Variants in IL1RAPL2 observed in about 807,000 individuals in gnomAD.
IL1RAPL2 encodes X-linked interleukin-1 receptor accessory protein-like 2.
A neutral mutation model predicts 44.1 loss-of-function variants in IL1RAPL2; 3 were observed. The observed-to-expected ratio is 0.07, with a 90% CI of 0.03 to 0.18. The LOEUF is 0.18. Among genes scored for constraint, IL1RAPL2 ranks in the 10% least tolerant of loss-of-function variants. The probability of loss-of-function intolerance (pLI) is 1.00; values close to 1 mark genes in which losing one functional copy is unlikely to be tolerated. For synonymous variants in IL1RAPL2, 181 were observed against 178.8 expected (o/e 1.01, Z -0.10); for missense variants, 391 against 496.4 (o/e 0.79, Z 2.02).
chrX:104,778,488 ATG>A (rs1476478070), intron 2 of IL1RAPL2, among the ~76,000 whole-genome samples: 2 of 108,074 alleles, frequency 1.9e-5, no homozygotes, highest in East Asian at 5.7e-4. Context: ...TGAGTCTGGG[ATG>A]TCAAGGCTGC....
chrX:105,449,273 T>TTGG (rs2035999828), intron 5 of IL1RAPL2, among the ~76,000 whole-genome samples: 1 of 111,029 alleles, frequency 9.0e-6, no homozygotes, highest in Admixed American at 9.6e-5. Flanking sequence ...AGGTACTGCT[T>TTGG]TGGTGGTCTT....
chrX:105,480,289 A>G (rs1209851077), intron 5 of IL1RAPL2, among the ~76,000 whole-genome samples: 1 of 112,230 alleles, frequency 8.9e-6, no homozygotes. Context: ...AGATAAAATC[A>G]TTGCCTATCA....
intron 2 of IL1RAPL2, among the ~76,000 whole-genome samples, chrX:104,683,635 G>A (rs753291545): frequency 7.1e-5 from 8 of 112,709 alleles, no homozygotes; most frequent in African/African-American, 1.9e-4. Context: ...TGATTCCACC[G>A]ACTGTTTCAT....
chrX:105,350,462 G>A (rs1327901780), intron 5 of IL1RAPL2, among the ~76,000 whole-genome samples: 3 of 112,403 alleles, frequency 2.7e-5, no homozygotes, highest in South Asian at 7.4e-4. Flanking sequence ...GGTGGCTCAC[G>A]CCCGTAATCC....
intron 5 of IL1RAPL2, among the ~76,000 whole-genome samples, chrX:105,288,303 C>T (rs1454176737): frequency 1.8e-5 from 2 of 109,749 alleles, no homozygotes; most frequent in Non-Finnish European, 3.8e-5. Context: ...TCATATGTTC[C>T]TCTTCCTTTA....
intron 2 of IL1RAPL2, among the ~76,000 whole-genome samples, chrX:105,024,384 C>A (rs2031330916): frequency 9.0e-6 from 1 of 111,277 alleles, no homozygotes; most frequent in Admixed American, 9.6e-5. Context: ...ATCTTTATAT[C>A]ATATGTATAC....
chrX:104,977,952 G>T (rs750880682), intron 2 of IL1RAPL2, among the ~76,000 whole-genome samples: 1 of 111,886 alleles, frequency 8.9e-6, no homozygotes, highest in Admixed American at 9.5e-5. Context: ...TCCAAGTGTT[G>T]CTATGACAGT....
At chrX:105,247,361 C>A in intron 4 of IL1RAPL2, among the ~76,000 whole-genome samples, 1 of 110,699 alleles carries the variant, frequency 9.0e-6, no homozygotes. Context: ...TCACTCACAT[C>A]ACTGATATAA....
chrX:104,767,642 A>C (rs1440482117), intron 2 of IL1RAPL2, among the ~76,000 whole-genome samples: 1 of 112,164 alleles, frequency 8.9e-6, no homozygotes, highest in African/African-American at 3.2e-5. Flanking sequence ...GTTTGAAATA[A>C]GGAATTTTTA....
intron 2 of IL1RAPL2, among the ~76,000 whole-genome samples, chrX:105,023,619 G>A (rs1321495385): frequency 1.8e-5 from 2 of 110,962 alleles, no homozygotes; most frequent in African/African-American, 6.5e-5. Context: ...GTTCTTCCAA[G>A]TGGTTTTGCT....
intron 6 of IL1RAPL2, among the ~76,000 whole-genome samples, chrX:105,562,557 A>ACACC (rs2036947370): frequency 9.2e-6 from 1 of 108,690 alleles, no homozygotes; most frequent in Non-Finnish European, 1.9e-5. Flanking sequence ...ACATACACAC[A>ACACC]CCACATAATA....
At chrX:104,915,251 C>T (rs1423615741) in intron 2 of IL1RAPL2, among the ~76,000 whole-genome samples, 5 of 110,681 alleles carry the variant, frequency 4.5e-5, no homozygotes, top group Admixed American at 2.9e-4. Flanking sequence ...TTTTAATGAT[C>T]GCCATTCTAA....
At chrX:105,363,314 T>TATATATATATA (rs2035267608) in intron 5 of IL1RAPL2, among the ~76,000 whole-genome samples, 1 of 88,360 alleles carries the variant, frequency 1.1e-5, no homozygotes, top group African/African-American at 5.0e-5. Flanking sequence ...ATATAATATA[T>TATATATATATA]ATATATATAT....
intron 6 of IL1RAPL2, among the ~76,000 whole-genome samples, chrX:105,515,068 T>A (rs2036502440): frequency 8.9e-6 from 1 of 112,123 alleles, no homozygotes; most frequent in Non-Finnish European, 1.9e-5. Flanking sequence ...TCCTAGGCTC[T>A]GATCACAGAG....
intron 3 of IL1RAPL2, among the ~76,000 whole-genome samples, chrX:105,218,417 T>C (rs781935044): frequency 3.6e-5 from 4 of 111,107 alleles, no homozygotes; most frequent in Admixed American, 9.6e-5. Flanking sequence ...GCTTCATTGC[T>C]CAACATCATG....
chrX:104,938,084 T>C (rs988021981), intron 2 of IL1RAPL2, among the ~76,000 whole-genome samples: 5 of 112,443 alleles, frequency 4.4e-5, no homozygotes, highest in Non-Finnish European at 9.4e-5. Context: ...AACACAAAGC[T>C]TGAAAAGGTT....
At chrX:105,615,555 T>C (rs2037369389) in intron 6 of IL1RAPL2, among the ~76,000 whole-genome samples, 1 of 111,876 alleles carries the variant, frequency 8.9e-6, no homozygotes, top group Non-Finnish European at 1.9e-5. Flanking sequence ...TGGATGTCAT[T>C]ATGTTAAGTG....
rs144621512 is a variant in IL1RAPL2 at position 105,334,492 on chromosome X, C to T, written c.697+66951C>T. On this transcript the variant is annotated intron_variant, in intron 5 of 10. Transcript: ENST00000372582. ...TATAGTCAATAATAATTTAATTGTA[C>T]ATTTTAAGATAACTAAGAGTATAAT... 5.5e-3 allele frequency among the ~76,000 whole-genome samples: 616 copies of T among 111,148 alleles called. 10 individuals are homozygous for T. The highest frequency in any genetic ancestry group is 0.019 in the African/African-American group (592 of 30,590).
rs189085028 is a variant in IL1RAPL2 at position 105,112,896 on chromosome X, T to C, written c.83-82579T>C. Among the ~76,000 whole-genome samples the C allele has an allele frequency of 2.1e-4, 24 of 112,787 alleles. 1 individual carries two copies. The highest frequency in any genetic ancestry group is 9.1e-3 in the Middle Eastern group (2 of 219). On this transcript the variant is annotated intron_variant, in intron 2 of 10. Coordinates refer to ENST00000372582, the MANE Select transcript of IL1RAPL2 (RefSeq NM_017416.2). ...TATGTATGTTCACTCTTCATTGTTT[T>C]CCTCTAAAGGGATCATATTATCAGT...
Sources: allele counts gnomAD v4.1 joint callset (sites outside exome capture counted in the v4.1 genomes callset), GRCh38; gene constraint gnomAD v4.1.1; transcripts MANE v1.5; gene names NCBI Gene and HGNC (gene_info 2026-07-23, HGNC 2026-07-21).